Variants in LRRC45 observed in about 807,000 individuals in gnomAD.
The protein encoded by LRRC45 is leucine-rich repeat-containing protein 45.
In LRRC45, 73 loss-of-function variants were observed where a neutral mutation model predicts 85.4. The ratio of observed to expected loss-of-function variants is 0.85; its 90% CI spans 0.71 to 1.04. The LOEUF (loss-of-function observed/expected upper bound fraction) is 1.04. Among genes scored for constraint, LRRC45 ranks in the 50% least tolerant of loss-of-function variants. LRRC45 has a pLI of 0.00. For missense variants in LRRC45, 937 were observed against 883.3 expected (o/e 1.06, Z -0.77); for synonymous variants, 429 against 386.0 (o/e 1.11, Z -1.31).
At position 82,024,760 on chromosome 17, in the gene LRRC45, A is replaced by G. The variant is rs1349895304; in HGVS notation, c.350A>G (p.Gln117Arg). ...CTCCTCCAACAGAACAAGTCCATTC[A>G]GAGGTGGGTGGTGGTCCCGACCCCA... is the stretch of plus-strand genomic sequence containing the variant. ...GKLLQQNKSI[Q>R]SLTLEWNSLG... is the part of the protein sequence containing the mutation. Residue 117 changes from glutamine (Q) to arginine (R), a missense_variant, in exon 3 of 17, where the codon CAG (glutamine) becomes CGG (arginine). Transcript: ENST00000306688. 1.3e-6 allele frequency: 2 copies of G among 1,577,968 alleles called. No homozygotes were observed. The highest frequency in any genetic ancestry group is 4.5e-5 in the East Asian group (2 of 44,300).
At chr17:82,025,912 C>T (rs1598454570) in intron 5 of LRRC45, among the ~76,000 whole-genome samples, 1 of 152,254 alleles carries the variant, frequency 6.6e-6, no homozygotes, top group Non-Finnish European at 1.5e-5. Context: ...TGAGGTGGGG[C>T]CCCCTGGCTT....
rs150638074 is a variant in LRRC45, at chr17:82,029,580, G to A, written c.1439G>A (p.Arg480His). 1.5e-3 allele frequency: 2,373 copies of A among 1,580,740 alleles called. 3 individuals are homozygous for A. Among genetic ancestry groups the A allele is most frequent in the Non-Finnish European group, 1.9e-3 (2,167 of 1,164,832 alleles). Reference protein sequence around the residue: ...SRVKAAALSERGQAEEELIKA... With the variant: ...SRVKAAALSEHGQAEEELIKA... The stretch of plus-strand genomic sequence containing the variant: ...GTGAAAGCAGCGGCACTCAGCGAGC[G>A]TGGCCAGGCTGAGGAGGAGCTGATC... The change falls in exon 14 of 17, where the codon CGT becomes CAT. Residue 480 changes from arginine (R) to histidine (H), a missense_variant. Arg to His is a conservative substitution (Grantham distance 29, BLOSUM62 0). Transcript: ENST00000306688.
In LRRC45 at chr17:82,024,426, G is replaced by T; in HGVS notation, c.282+87G>T. The T allele has an allele frequency of 5.3e-6, 8 of 1,504,636 alleles. No homozygotes were observed. The Admixed American group carries it at 1.4e-4, about 26-fold the overall frequency. The allele number at this position is 1,504,636 out of a possible 1,614,324, so 93.2% of individuals were successfully genotyped here. A position where few individuals can be genotyped will look rare whatever the true frequency, so the allele number is the denominator to read the frequency against. The stretch of plus-strand genomic sequence containing the variant: ...AGATGCCAGGTCTCGGGGGCCTGGG[G>T]TCTGGGCAGGTGGCTGGAAGCTGTC... On this transcript the variant is annotated intron_variant, in intron 2 of 16. Transcript: ENST00000306688.
In LRRC45 at chr17:82,023,630, C is replaced by G. The variant is rs1020434708; in HGVS notation, c.-14C>G. 2.6e-6 allele frequency: 4 copies of G among 1,517,260 alleles called. No individual in the cohort carries two copies. Among genetic ancestry groups the G allele is most frequent in the Non-Finnish European group, 3.5e-6 (4 of 1,135,414 alleles). The allele number at this position is 1,517,260 out of a possible 1,614,324, so 94.0% of individuals were successfully genotyped here. A position where few individuals can be genotyped will look rare whatever the true frequency, so the allele number is the denominator to read the frequency against. The stretch of plus-strand genomic sequence containing the variant: ...CGGGAGCATGCGGAGGAGGCCCTGC[C>G]GGCCCCGCGGGTCATGGAGGAGTTC... On this transcript the variant is annotated 5_prime_UTR_variant, in exon 1 of 17. Coordinates refer to ENST00000306688, the MANE Select transcript of LRRC45 (RefSeq NM_144999.4).
intron 7 of LRRC45, 40 bp from the exon 8 acceptor site, chr17:82,027,634 G>C (rs567484411): frequency 1.3e-6 from 2 of 1,597,242 alleles, no homozygotes; most frequent in South Asian, 1.1e-5. Context: ...GAGCGCTCTG[G>C]GGTTTGGGTT....
In LRRC45 at chr17:82,030,651, G is replaced by C; in HGVS notation, c.1859G>C (p.Ser620Thr). 7.0e-7 allele frequency: 1 copy of C among 1,427,218 alleles called. No homozygotes were observed. The highest frequency in any genetic ancestry group is 9.2e-7 in the Non-Finnish European group (1 of 1,084,060). The allele number at this position is 1,427,218 out of a possible 1,614,324, so 88.4% of individuals were successfully genotyped here. The change falls in exon 17 of 17, where the codon AGC (serine) becomes ACC (threonine). Residue 620 changes from serine to threonine, a missense_variant. Coordinates refer to ENST00000306688, the MANE Select transcript of LRRC45 (RefSeq NM_144999.4). ...CGAGAGGCGCTGCTGGACAGGGAGA[G>C]CGAGAACGCGTCTCTCCGGGAGAAG... is the stretch of plus-strand genomic sequence containing the variant. Reference protein sequence around the residue: ...DHREALLDRESENASLREKLR... With the variant: ...DHREALLDRETENASLREKLR...
intron 5 of LRRC45, among the ~76,000 whole-genome samples, chr17:82,026,035 G>A (rs773661026): frequency 4.6e-5 from 7 of 152,250 alleles, no homozygotes; most frequent in African/African-American, 1.7e-4. Flanking sequence ...CAGGCCCCCC[G>A]TACTCCCTAA....
Position 82,023,396 on chromosome 17 carries a change from G to A in LRRC45, c.-248G>A. 4.0e-6 allele frequency: 2 copies of A among 500,636 alleles called. No individual in the cohort carries two copies. The highest frequency in any genetic ancestry group is 7.0e-6 in the Non-Finnish European group (2 of 285,614). The allele number at this position is 500,636 out of a possible 1,614,324, so 31.0% of individuals were successfully genotyped here. On this transcript the variant is annotated 5_prime_UTR_variant, in exon 1 of 17. Coordinates refer to ENST00000306688, the MANE Select transcript of LRRC45 (RefSeq NM_144999.4). ...GCAGGGCTGGGTGGGGGCGCGCGAC[G>A]CACCTGCCTGCTTCCTGCACGGGTG...
intron 9 of LRRC45, 40 bp downstream of exon 9, chr17:82,028,186 C>G (rs61360272): frequency 3.2e-6 from 5 of 1,559,702 alleles, no homozygotes; most frequent in Non-Finnish European, 4.3e-6. Flanking sequence ...CCAAGGGGTG[C>G]GTGGCGGCTT....
At chr17:82,027,314 C>T (rs1279941878) in intron 6 of LRRC45, 72 bp from the exon 7 acceptor site, 13 of 1,578,652 alleles carry the variant, frequency 8.2e-6, no homozygotes, top group Non-Finnish European at 1.1e-5. Flanking sequence ...CGCTGGCTCT[C>T]CTTCCCCCTG....
In LRRC45 at chr17:82,025,138, G is replaced by A; in HGVS notation, c.492G>A (p.Leu164=). ...TCAGTCACAAGGGCGCGGAGGAGCT[G>A]GCCCTAGCCCTGAAGGGCAACACCA... ...NQISHKGAEE[L]ALALKGNTTL... is the part of the protein sequence containing the mutation. Residue 164 remains leucine (L), a synonymous_variant, in exon 4 of 17, where the codon CTG becomes CTA. Transcript: ENST00000306688. The A allele has an allele frequency of 6.2e-7, 1 of 1,609,976 alleles. No homozygotes were observed. The highest frequency in any genetic ancestry group is 8.5e-7 in the Non-Finnish European group (1 of 1,178,382).
At position 82,024,701 on chromosome 17, in the gene LRRC45, C is replaced by T. The variant is rs776668576; in HGVS notation, c.291C>T (p.Asn97=). Residue 97 remains asparagine, a synonymous_variant, in exon 3 of 17, where the codon AAC becomes AAT. Transcript: ENST00000306688. ...VLRFLDLKGN[N]LRAAGAEALG... ...GCCTGTTTCTCTCCTAGGGCAACAA[C>T]CTTCGGGCTGCAGGGGCCGAGGCTC... 43 of 1,572,468 alleles carry T rather than the reference C, an allele frequency of 2.7e-5. No homozygotes were observed. The highest frequency in any genetic ancestry group is 3.2e-5 in the Non-Finnish European group (37 of 1,163,280).
In LRRC45 at chr17:82,030,432, G is replaced by A. The variant is rs1190083624; in HGVS notation, c.1782G>A (p.Arg594=). 1 of 1,548,462 alleles carries A rather than the reference G, an allele frequency of 6.5e-7. No individual in the cohort carries two copies. The highest frequency in any genetic ancestry group is 1.2e-5 in the South Asian group (1 of 84,040). ...AGCTGGCGGCTCAGGAGGCGCTGAG[G>A]GAGAAGGCGGCGGCCCTGGAGCGCC... ...QAELAAQEAL[R]EKAAALERQL... Residue 594 remains arginine, a synonymous_variant, in exon 16 of 17, where the codon AGG becomes AGA. Coordinates refer to ENST00000306688, the MANE Select transcript of LRRC45 (RefSeq NM_144999.4).
At chr17:82,027,886 C>A in intron 8 of LRRC45, 125 bp from the exon 9 acceptor site, 1 of 1,513,456 alleles carries the variant, frequency 6.6e-7, no homozygotes, top group South Asian at 1.2e-5. Context: ...ACCCAGAAGC[C>A]TTCCTGGAGG....
rs1568012971 is a variant in LRRC45, at chr17:82,024,178, G to A, written c.221-100G>A. ...GCCAACCCAGACCATCGGGACAGTT[G>A]TCCCTTCCTGGGTCTAGGGAGCTGC... On this transcript the variant is annotated intron_variant, in intron 1 of 16. Coordinates refer to ENST00000306688, the MANE Select transcript of LRRC45 (RefSeq NM_144999.4). The A allele has an allele frequency of 3.7e-6, 5 of 1,357,782 alleles. No homozygotes were observed. The South Asian group carries it at 5.1e-5, about 14-fold the overall frequency. 84.1% of individuals were successfully genotyped at this position (1,357,782 alleles called of 1,614,324 possible). A position where few individuals can be genotyped will look rare whatever the true frequency, so the allele number is the denominator to read the frequency against.
At chr17:82,028,895 C>T in intron 12 of LRRC45, 198 bp from the exon 13 acceptor site, 1 of 721,410 alleles carries the variant, frequency 1.4e-6, no homozygotes, top group Non-Finnish European at 2.3e-6. Context: ...GTACAGGCTG[C>T]CGTTGAAGAG....
intron 7 of LRRC45, 40 bp from the exon 8 acceptor site, chr17:82,027,634 G>A (rs567484411): frequency 1.3e-6 from 2 of 1,597,242 alleles, no homozygotes; most frequent in Admixed American, 3.4e-5. Flanking sequence ...GAGCGCTCTG[G>A]GGTTTGGGTT....
At position 82,030,773 on chromosome 17, in the gene LRRC45, T is replaced by TC. The variant is rs2043413350; in HGVS notation, c.1986dup (p.Val663ArgfsTer19). On this transcript the variant is annotated frameshift_variant, in exon 17 of 17. Transcript: ENST00000306688. LOFTEE classifies it high-confidence loss of function. ...CGCCGTCCTGGCTTACGTGCAGGCG[T>TC]CCCCCGTGAGGACCCTGAGCCCCCC... 2.1e-6 allele frequency: 3 copies of TC among 1,432,304 alleles called. No individual in the cohort carries two copies. Among genetic ancestry groups the TC allele is most frequent in the African/African-American group, 1.5e-5 (1 of 68,356 alleles). The allele number at this position is 1,432,304 out of a possible 1,614,324, so 88.7% of individuals were successfully genotyped here. A position where few individuals can be genotyped will look rare whatever the true frequency, so the allele number is the denominator to read the frequency against.
rs1004390599 is a variant in LRRC45, at chr17:82,027,160, G to A, written c.774+149G>A. 30 of 865,968 alleles carry A rather than the reference G, an allele frequency of 3.5e-5. 1 individual carries two copies. The Middle Eastern group carries it at 1.2e-3, about 36-fold the overall frequency. 53.6% of individuals were successfully genotyped at this position (865,968 alleles called of 1,614,324 possible). On this transcript the variant is annotated intron_variant, in intron 6 of 16. Transcript: ENST00000306688. The stretch of plus-strand genomic sequence containing the variant: ...GTGGCTGGTACCAGGAAGGAGGGGC[G>A]GCCTCCTGGTCTGATCTGCAGGTGG...
Sources: gnomAD v4.1 joint callset for allele counts (sites outside exome capture counted in the v4.1 genomes callset) on GRCh38, gnomAD v4.1.1 for gene constraint, MANE v1.5 for transcripts, NCBI Gene and HGNC (gene_info 2026-07-23, HGNC 2026-07-21) for gene names.